Variants in KIAA1217 observed in about 807,000 individuals in gnomAD.
KIAA1217 encodes the protein sickle tail protein homolog.
A neutral mutation model predicts 163.9 loss-of-function variants in KIAA1217; 88 were observed. That is an observed-to-expected ratio of 0.54 (90% CI 0.45 to 0.64). KIAA1217 has a LOEUF of 0.64. KIAA1217 is among the 30% of genes least tolerant of loss of function. The pLI is 0.00. For missense variants in KIAA1217, 2,372 were observed against 2,475.0 expected (o/e 0.96, Z 0.88); for synonymous variants, 903 against 923.1 (o/e 0.98, Z 0.39).
chr10:24,392,326 T>A (rs1392361026), intron 3 of KIAA1217, among the ~76,000 whole-genome samples: 1 of 152,214 alleles, frequency 6.6e-6, no homozygotes, highest in African/African-American at 2.4e-5. Context: ...ACTAAGCAGT[T>A]ATATATCACA....
rs766568634 is a variant in KIAA1217, at chr10:24,219,648, T to G, written c.93T>G (p.His31Gln). ...CAGAACAAGGCAAAGGCAATCTGCA[T>G]GTAACATCACCAGAAGATGCAGAAT... ...QMQEQGKGNL[H>Q]VTSPEDAECR... Residue 31 changes from histidine (H) to glutamine (Q), a missense_variant, in exon 2 of 21, where the codon CAT becomes CAG. By Grantham distance (24) the His-to-Gln change is conservative. Coordinates refer to ENST00000376454, the MANE Select transcript of KIAA1217 (RefSeq NM_019590.5). 1.2e-5 allele frequency: 19 copies of G among 1,607,754 alleles called. No homozygotes were observed. The Admixed American group carries it at 3.2e-4, about 27-fold the overall frequency.
chr10:24,108,313 G>A (rs1052531939), intron 2 of KIAA1217, among the ~76,000 whole-genome samples: 2 of 152,164 alleles, frequency 1.3e-5, no homozygotes, highest in African/African-American at 4.8e-5. Flanking sequence ...AGAATGCCTG[G>A]TGACCATGTT....
At chr10:24,228,768 AGTTT>A (rs2070950191) in intron 2 of KIAA1217, among the ~76,000 whole-genome samples, 2 of 152,144 alleles carry the variant, frequency 1.3e-5, no homozygotes, top group African/African-American at 4.8e-5. Context: ...TTCCTGCTCT[AGTTT>A]GTTTCATCAG....
rs1460124420 is a variant in KIAA1217, at chr10:24,088,756, C to T, written c.-171+81382C>T. On this transcript the variant is annotated intron_variant, in intron 2 of 18. Coordinates refer to the KIAA1217 transcript ENST00000376462. Reference sequence around the variant, plus strand: ...TTGTGAATAGTCCGCATTAAACATACGTATGCATGTGTCTTTATAGCAGCA... The same window carrying T: ...TTGTGAATAGTCCGCATTAAACATATGTATGCATGTGTCTTTATAGCAGCA... Among the ~76,000 whole-genome samples the T allele has an allele frequency of 1.6e-5, 2 of 124,298 alleles. 1 individual carries two copies. The highest frequency in any genetic ancestry group is 4.0e-5 in the Non-Finnish European group (2 of 50,324). The allele number at this position is 124,298 out of a possible 152,430, so 81.5% of individuals were successfully genotyped here.
At chr10:24,271,407 C>G (rs1330475117) in intron 2 of KIAA1217, among the ~76,000 whole-genome samples, 1 of 152,028 alleles carries the variant, frequency 6.6e-6, no homozygotes, top group East Asian at 1.9e-4. Flanking sequence ...AATTTCAGTT[C>G]TGACTATAAC....
chr10:24,176,864 TG>T (rs2065916998), intron 2 of KIAA1217, among the ~76,000 whole-genome samples: 1 of 151,790 alleles, frequency 6.6e-6, no homozygotes, highest in Non-Finnish European at 1.5e-5. Flanking sequence ...TCCCGAGCCC[TG>T]CCCCACGGGG....
chr10:24,360,040 C>CT (rs34396312), intron 2 of KIAA1217, among the ~76,000 whole-genome samples: 5,148 of 94,114 alleles, frequency 0.055, 780 homozygotes, highest in African/African-American at 0.2. Context: ...GATATAATTA[C>CT]TTTTTTTTTT....
At chr10:24,340,264 G>A (rs970014253) in intron 2 of KIAA1217, among the ~76,000 whole-genome samples, 1 of 152,110 alleles carries the variant, frequency 6.6e-6, no homozygotes, top group Admixed American at 6.6e-5. Context: ...GTTCCCATGT[G>A]TCGTGGGAAG....
chr10:24,395,705 C>T (rs1222883686), intron 3 of KIAA1217, among the ~76,000 whole-genome samples: 1 of 152,180 alleles, frequency 6.6e-6, no homozygotes, highest in African/African-American at 2.4e-5. Context: ...CAGAGTCCTG[C>T]TCTGTCACCC....
Position 24,509,980 on chromosome 10 carries a change from A to T in KIAA1217, c.2002-3279A>T, listed in dbSNP as rs1228798999. Among the ~76,000 whole-genome samples the T allele has an allele frequency of 2.0e-5, 3 of 152,302 alleles. No individual in the cohort carries two copies. In the East Asian group the frequency reaches 5.8e-4, roughly 29 times the overall value. ...GGTCTTGCTGTCTCAGGGGTGGCAG[A>T]AGAGGAAGGAAATCTACATATAAGT... On this transcript the variant is annotated intron_variant, in intron 9 of 20. Coordinates refer to ENST00000376454, the MANE Select transcript of KIAA1217 (RefSeq NM_019590.5).
chr10:24,439,799 G>A (rs971007721), intron 5 of KIAA1217, among the ~76,000 whole-genome samples: 2 of 151,930 alleles, frequency 1.3e-5, no homozygotes, highest in Non-Finnish European at 2.9e-5. Flanking sequence ...CACTTTTAAG[G>A]ACACTTTAAG....
chr10:23,908,199 T>C (rs1460954151), intron 1 of KIAA1217, among the ~76,000 whole-genome samples: 1 of 151,734 alleles, frequency 6.6e-6, no homozygotes, highest in African/African-American at 2.4e-5. Context: ...ACAAGTAGAG[T>C]GAAGGGAAGG....
At chr10:23,939,034 T>G (rs1843650027) in intron 1 of KIAA1217, among the ~76,000 whole-genome samples, 1 of 152,182 alleles carries the variant, frequency 6.6e-6, no homozygotes, top group Non-Finnish European at 1.5e-5. Context: ...AAAACATATT[T>G]GTATCAAGAA....
At position 24,535,175 on chromosome 10, in the gene KIAA1217, G is replaced by A. The variant is rs552554364; in HGVS notation, c.3415-1599G>A. ...AGGGTCTAATAGCTCAAAGGAGATG[G>A]CAATTGGCATTTGTAAGCAGCTTTC... On this transcript the variant is annotated intron_variant, in intron 16 of 20. Transcript: ENST00000376454. 1.1e-4 allele frequency among the ~76,000 whole-genome samples: 16 copies of A among 152,312 alleles called. No individual in the cohort carries two copies. In the South Asian group the frequency reaches 3.1e-3, roughly 30 times the overall value.
At chr10:24,434,040 T>C (rs984356535) in intron 4 of KIAA1217, among the ~76,000 whole-genome samples, 5 of 140,640 alleles carry the variant, frequency 3.6e-5, no homozygotes, top group Non-Finnish European at 4.6e-5. Flanking sequence ...TTTTTTTTTT[T>C]TTTTTTTTTT....
At chr10:23,755,651 G>A (rs897681505) in intron 1 of KIAA1217, among the ~76,000 whole-genome samples, 1 of 152,106 alleles carries the variant, frequency 6.6e-6, no homozygotes, top group African/African-American at 2.4e-5. Context: ...CAAGCCTAGG[G>A]GGAGAAGACT....
At chr10:23,974,964 G>C (rs527633935) in intron 1 of KIAA1217, among the ~76,000 whole-genome samples, 61 of 152,174 alleles carry the variant, frequency 4.0e-4, no homozygotes, top group African/African-American at 1.4e-3. Flanking sequence ...CGAGCCCTGG[G>C]TGTAGCTGTG....
chr10:24,536,008 C>T (rs1224685076), intron 16 of KIAA1217, among the ~76,000 whole-genome samples: 1 of 151,994 alleles, frequency 6.6e-6, no homozygotes, highest in Non-Finnish European at 1.5e-5. Context: ...CCTGAGTTAC[C>T]AGTCTCTCCT....
At chr10:23,772,731 C>T (rs574728209) in intron 1 of KIAA1217, among the ~76,000 whole-genome samples, 2 of 152,302 alleles carry the variant, frequency 1.3e-5, no homozygotes, top group South Asian at 4.1e-4. Flanking sequence ...AATTTTTTCA[C>T]TCTGCCCCAT....
Sources: gnomAD v4.1 joint callset for allele counts (sites outside exome capture counted in the v4.1 genomes callset) on GRCh38, gnomAD v4.1.1 for gene constraint, MANE v1.5 for transcripts, NCBI Gene and HGNC (gene_info 2026-07-23, HGNC 2026-07-21) for gene names.